The following TMEM64 variants were observed in gnomAD, a reference collection of about 807,000 sequenced individuals.
TMEM64 encodes transmembrane protein 64.
Under a neutral mutation model 24.5 loss-of-function variants are expected in TMEM64, and 19 were observed. The ratio of observed to expected loss-of-function variants is 0.78; its 90% confidence interval spans 0.54 to 1.14. TMEM64 has a LOEUF of 1.14. Ranked by LOEUF, TMEM64 falls within the 50% of genes most tolerant of loss-of-function variation. TMEM64 has a pLI of 0.00. For missense variants in TMEM64, 487 were observed against 493.0 expected (o/e 0.99, Z 0.12); for synonymous variants, 262 against 224.7 (o/e 1.17, Z -1.49).
chr8:90,626,636 T>C (rs1040416003), intron 2 of TMEM64, among the ~76,000 whole-genome samples: 2 of 146,740 alleles, frequency 1.4e-5, no homozygotes, highest in African/African-American at 5.1e-5. Context: ...TTTCTTTTTT[T>C]TTTTTTTTTT....
chr8:90,636,446 G>A (rs1037688064), intron 1 of TMEM64, among the ~76,000 whole-genome samples: 46 of 152,254 alleles, frequency 3.0e-4, no homozygotes, highest in African/African-American at 9.9e-4. Context: ...AGTAGAGGCC[G>A]GGTTTCACCA....
chr8:90,639,874 AT>A (rs542894964), intron 1 of TMEM64, among the ~76,000 whole-genome samples: 43 of 152,190 alleles, frequency 2.8e-4, no homozygotes, highest in African/African-American at 9.6e-4. Flanking sequence ...TTTTAAACAA[AT>A]TTTTTTTAAT....
chr8:90,630,679 G>A (rs976632722), intron 2 of TMEM64, among the ~76,000 whole-genome samples: 1 of 151,916 alleles, frequency 6.6e-6, no homozygotes, highest in Non-Finnish European at 1.5e-5. Flanking sequence ...TACATAACCA[G>A]CTCAAGATAA....
In TMEM64 at chr8:90,624,005, T is replaced by C. The variant is rs1352600121; in HGVS notation, c.*1666A>G. ...AGGGTATTACAATACTATATCTGTT[T>C]TCCTACTAATAGCAAGAAATGAGGA... On this transcript the variant is annotated 3_prime_UTR_variant, in exon 3 of 3. Coordinates refer to ENST00000458549, the MANE Select transcript of TMEM64 (RefSeq NM_001008495.4). 1 of 151,962 alleles carries C rather than the reference T, an allele frequency of 6.6e-6. No homozygotes were observed. The highest frequency in any genetic ancestry group is 2.4e-5 in the African/African-American group (1 of 41,404). 9.4% of individuals were successfully genotyped at this position (151,962 alleles called of 1,614,324 possible). A position where few individuals can be genotyped will look rare whatever the true frequency, so the allele number is the denominator to read the frequency against.
intron 1 of TMEM64, among the ~76,000 whole-genome samples, chr8:90,634,708 T>C (rs1347716246): frequency 2.6e-5 from 4 of 152,206 alleles, no homozygotes; most frequent in Non-Finnish European, 5.9e-5. Flanking sequence ...TTAGTTTATT[T>C]CTAAGCACTT....
intron 2 of TMEM64, among the ~76,000 whole-genome samples, chr8:90,629,892 A>G (rs1586126398): frequency 6.6e-6 from 1 of 152,268 alleles, no homozygotes; most frequent in African/African-American, 2.4e-5. Context: ...CTAAACTTGT[A>G]CCTCATAAGC....
Position 90,645,066 on chromosome 8 carries a change from C to CA in TMEM64, c.795+44dup, listed in dbSNP as rs1208184216. The CA allele has an allele frequency of 5.1e-6, 8 of 1,561,408 alleles. No individual in the cohort carries two copies. The Admixed American group carries it at 7.1e-5, about 14-fold the overall frequency. ...CTCCTAGGGCCGCCACAAGACCGCT[C>CA]AAAAACAGACTTGGAGAGGGATAGG... On this transcript the variant is annotated intron_variant, in intron 1 of 2. Coordinates refer to ENST00000458549, the MANE Select transcript of TMEM64 (RefSeq NM_001008495.4). This position sits in a 1 kb window ranked among gnomAD's most constrained non-coding sequence, Gnocchi z 4.2.
At chr8:90,639,422 G>T (rs988695463) in intron 1 of TMEM64, among the ~76,000 whole-genome samples, 3 of 152,126 alleles carry the variant, frequency 2.0e-5, no homozygotes, top group Non-Finnish European at 4.4e-5. Flanking sequence ...CTCAAGGGGG[G>T]AAAAATGTAT....
chr8:90,635,364 A>G (rs909150687), intron 1 of TMEM64, among the ~76,000 whole-genome samples: 2 of 141,306 alleles, frequency 1.4e-5, no homozygotes, highest in African/African-American at 6.2e-5. Context: ...ACAGCTTCCA[A>G]ATCATTTTAT....
chr8:90,629,341 A>G (rs997728437), intron 2 of TMEM64, among the ~76,000 whole-genome samples: 2 of 152,206 alleles, frequency 1.3e-5, no homozygotes, highest in Admixed American at 6.5e-5. Context: ...AAAAAGCATC[A>G]TGAACTTCAT....
chr8:90,622,661 A>G lies in TMEM64; in HGVS notation c.*3010T>C, dbSNP rs1276836309. 2.0e-5 allele frequency: 3 copies of G among 152,250 alleles called. No homozygotes were observed. The highest frequency in any genetic ancestry group is 4.8e-5 in the African/African-American group (2 of 41,464). 9.4% of individuals were successfully genotyped at this position (152,250 alleles called of 1,614,324 possible). ...ATTCACACACACAGGAATGCTGGGG[A>G]TATGCTTATACCTGCACCACTTAGT... is the stretch of plus-strand genomic sequence containing the variant. On this transcript the variant is annotated 3_prime_UTR_variant, in exon 3 of 3. Transcript: ENST00000458549.
chr8:90,645,639 C>A lies in TMEM64; in HGVS notation c.267G>T (p.Ala89=), dbSNP rs1483832747. Residue 89 remains alanine, a synonymous_variant, in exon 1 of 3, where the codon GCG becomes GCT. Transcript: ENST00000458549. This position sits in a 1 kb window ranked among gnomAD's most constrained non-coding sequence, Gnocchi z 4.2. The part of the protein sequence containing the change: ...SELPEPGGAL[A]GGPGSGGGGV... ...CGCCGCCGCCACTCCCGGGGCCGCC[C>A]GCCAAGGCCCCGCCCGGCTCCGGCA... 1 of 1,532,902 alleles carries A rather than the reference C, an allele frequency of 6.5e-7. No individual in the cohort carries two copies. Among genetic ancestry groups the A allele is most frequent in the East Asian group, 2.5e-5 (1 of 40,756 alleles). 95.0% of individuals were successfully genotyped at this position (1,532,902 alleles called of 1,614,324 possible).
Position 90,645,728 on chromosome 8 carries a change from C to A in TMEM64, c.178G>T (p.Ala60Ser). ...GGASAAAAAA[A>S]ASGALLGAYL... ...GCGCCGAGCAGGGCGCCCGAGGCCG[C>A]CGCTGCTGCCGCCGCCGCGCTCGCC... Residue 60 changes from alanine (A) to serine (S), a missense_variant, in exon 1 of 3, where the codon GCG (alanine) becomes TCG (serine). Transcript: ENST00000458549. This position sits in a 1 kb window ranked among gnomAD's most constrained non-coding sequence, Gnocchi z 4.2. 2.6e-6 allele frequency: 3 copies of A among 1,164,568 alleles called. No homozygotes were observed. In the South Asian group the frequency reaches 1.3e-4, roughly 49 times the overall value. 72.1% of individuals were successfully genotyped at this position (1,164,568 alleles called of 1,614,324 possible). A position where few individuals can be genotyped will look rare whatever the true frequency, so the allele number is the denominator to read the frequency against.
rs1404659617 is a variant in TMEM64, at chr8:90,622,957, C to A, written c.*2714G>T. 1 of 151,910 alleles carries A rather than the reference C, an allele frequency of 6.6e-6. No homozygotes were observed. The highest frequency in any genetic ancestry group is 1.5e-5 in the Non-Finnish European group (1 of 67,974). 9.4% of individuals were successfully genotyped at this position (151,910 alleles called of 1,614,324 possible). A position where few individuals can be genotyped will look rare whatever the true frequency, so the allele number is the denominator to read the frequency against. ...CAAGTTATTTCACAAATCAGATGATCAAATAAAAATGGACATGAATATGCT... is the reference window on the plus strand; with the variant it reads ...CAAGTTATTTCACAAATCAGATGATAAAATAAAAATGGACATGAATATGCT... On this transcript the variant is annotated 3_prime_UTR_variant, in exon 3 of 3. Coordinates refer to ENST00000458549, the MANE Select transcript of TMEM64 (RefSeq NM_001008495.4).
rs1206906505 is a variant in TMEM64 at position 90,645,364 on chromosome 8, A to G, written c.542T>C (p.Leu181Pro). ...SFPCGWGYIV[L>P]NVAAGYLYGF... Reference sequence around the variant, plus strand: ...GTACAGGTAGCCAGCGGCCACGTTGAGCACGATGTAGCCCCAGCCGCAGGG... The same window carrying G: ...GTACAGGTAGCCAGCGGCCACGTTGGGCACGATGTAGCCCCAGCCGCAGGG... Residue 181 changes from leucine (L) to proline (P), a missense_variant, in exon 1 of 3, where the codon CTC (leucine) becomes CCC (proline). Leu to Pro is a moderately conservative substitution (Grantham distance 98). This residue lies in a region of TMEM64 where 419 missense variants were observed against 407.5 expected (regional missense o/e 1.03). Coordinates refer to ENST00000458549, the MANE Select transcript of TMEM64 (RefSeq NM_001008495.4). This position sits in a 1 kb window ranked among gnomAD's most constrained non-coding sequence, Gnocchi z 4.2. 2 of 1,552,302 alleles carry G rather than the reference A, an allele frequency of 1.3e-6. No homozygotes were observed. The highest frequency in any genetic ancestry group is 1.7e-6 in the Non-Finnish European group (2 of 1,147,396).
intron 1 of TMEM64, among the ~76,000 whole-genome samples, chr8:90,635,889 A>G (rs1369834641): frequency 2.0e-5 from 3 of 152,236 alleles, no homozygotes; most frequent in Non-Finnish European, 4.4e-5. Context: ...CTTTAAATGT[A>G]ATGAAGCTTC....
At chr8:90,635,558 T>C (rs372670883) in intron 1 of TMEM64, among the ~76,000 whole-genome samples, 57 of 151,884 alleles carry the variant, frequency 3.8e-4, no homozygotes, top group African/African-American at 1.4e-3. Flanking sequence ...CTACATGGGG[T>C]GATACTTGTT....
intron 1 of TMEM64, among the ~76,000 whole-genome samples, chr8:90,637,335 A>G (rs1028357989): frequency 6.6e-6 from 1 of 152,190 alleles, no homozygotes; most frequent in African/African-American, 2.4e-5. Context: ...TTTTTACACA[A>G]TGGCTTTACC....
intron 2 of TMEM64, among the ~76,000 whole-genome samples, chr8:90,630,520 G>A (rs1486324417): frequency 6.6e-6 from 1 of 152,054 alleles, no homozygotes; most frequent in Admixed American, 6.5e-5. Flanking sequence ...CTATCTAATG[G>A]TGTCTTTGTG....
Sources: gnomAD v4.1 joint callset for allele counts (sites outside exome capture counted in the v4.1 genomes callset) on GRCh38, gnomAD v4.1.1 for gene constraint, gnomAD v4.1.1 regional missense constraint, Gnocchi (gnomAD v3.1) non-coding constraint, MANE v1.5 for transcripts, NCBI Gene and HGNC (gene_info 2026-07-23, HGNC 2026-07-21) for gene names.